The following ARMCX4 variants were observed in gnomAD, a reference collection of about 807,000 sequenced individuals.
The protein encoded by ARMCX4 is armadillo repeat containing X-linked 4, also known as armadillo repeat-containing X-linked protein 4.
In ARMCX4, 3 loss-of-function variants were observed where a neutral mutation model predicts 34.7. The observed-to-expected ratio is 0.09, with a 90% CI of 0.04 to 0.22. The LOEUF (loss-of-function observed/expected upper bound fraction) is 0.22, where lower values mean the gene tolerates loss of function less well. ARMCX4 is among the 10% of genes least tolerant of loss of function. The pLI, the probability that ARMCX4 is intolerant of heterozygous loss-of-function variation, is 1.00. For missense variants in ARMCX4, 1,448 were observed against 1,720.8 expected, an observed-to-expected ratio of 0.84 and a Z score of 2.81; for synonymous variants, 513 against 632.8, an observed-to-expected ratio of 0.81 and a Z score of 2.84.
chrX:101,437,486 G>A (rs183607724), intron 2 of ARMCX4, among the ~76,000 whole-genome samples: 29 of 111,564 alleles, frequency 2.6e-4, no homozygotes, highest in African/African-American at 8.5e-4. Flanking sequence ...GGGATCGGTG[G>A]TGATATCCCC....
At chrX:101,485,951 G>A (rs1281054931) in intron 1 of ARMCX4, 72 bp from the exon 2 acceptor site, 1 of 111,514 alleles carries the variant, frequency 9.0e-6, no homozygotes, top group African/African-American at 3.3e-5. Flanking sequence ...CCGGAAAGGC[G>A]AGTATTGGGA....
chrX:101,494,619 A>G lies in ARMCX4; in HGVS notation c.6030A>G (p.Pro2010=). The G allele has an allele frequency of 8.7e-7, 1 of 1,155,881 alleles. No individual in the cohort carries two copies. Among genetic ancestry groups the G allele is most frequent in the Non-Finnish European group, 1.1e-6 (1 of 872,844 alleles). The change falls in exon 6 of 6, where the codon CCA becomes CCG. Residue 2010 remains proline, a synonymous_variant. Coordinates refer to ENST00000423738, the MANE Select transcript of ARMCX4 (RefSeq NM_001256155.3). The part of the protein sequence containing the change: ...KFAHQSEASF[P]VEDESRKQTR... ...CACACCAAAGTGAGGCCAGCTTCCC[A>G]GTTGAAGATGAGTCCAGAAAACAAA...
At chrX:101,419,673 C>T (rs782615053) in intron 2 of ARMCX4, among the ~76,000 whole-genome samples, 7 of 111,683 alleles carry the variant, frequency 6.3e-5, no homozygotes, top group Admixed American at 5.7e-4. Flanking sequence ...GCCCTGTCCT[C>T]GGCCTGCCTA....
intron 11 of ARMCX4, among the ~76,000 whole-genome samples, chrX:101,511,267 TA>T (rs1478165726): frequency 2.7e-5 from 3 of 111,521 alleles, no homozygotes; most frequent in African/African-American, 9.8e-5. Context: ...TTTCCTATTT[TA>T]AAAAATCTCT....
chrX:101,498,269 T>A, downstream of ARMCX4: 1 of 307,509 alleles, frequency 3.3e-6, no homozygotes, highest in Admixed American at 3.4e-5. Flanking sequence ...GCAAACACTG[T>A]GATGAAATTT....
intron 4 of ARMCX4, among the ~76,000 whole-genome samples, chrX:101,475,354 A>G (rs1484875952): frequency 9.1e-6 from 1 of 109,679 alleles, no homozygotes; most frequent in Non-Finnish European, 1.9e-5. Flanking sequence ...TATCTGCAAA[A>G]GAAAAAAGCT....
chrX:101,436,735 G>A (rs188799195), intron 2 of ARMCX4, among the ~76,000 whole-genome samples: 388 of 111,561 alleles, frequency 3.5e-3, no homozygotes, highest in Non-Finnish European at 6.2e-3. Flanking sequence ...TTTTCAAAGG[G>A]AATGCTTCCA....
chrX:101,434,130 G>C (rs1930510884), intron 2 of ARMCX4, among the ~76,000 whole-genome samples: 1 of 109,799 alleles, frequency 9.1e-6, no homozygotes, highest in Non-Finnish European at 1.9e-5. Flanking sequence ...ATTTTTAGTA[G>C]AGACGTGGGT....
At chrX:101,504,001 A>G (rs1484618575) in intron 7 of ARMCX4, among the ~76,000 whole-genome samples, 5 of 111,738 alleles carry the variant, frequency 4.5e-5, no homozygotes, top group African/African-American at 9.8e-5. Flanking sequence ...AGCTTTCTAC[A>G]TATGGCTAGC....
rs782107638 is a variant in ARMCX4, at chrX:101,457,175, T to C, written c.-473+11131T>C. Among the ~76,000 whole-genome samples the C allele has an allele frequency of 8.0e-5, 9 of 112,244 alleles. No individual in the cohort carries two copies. The East Asian group carries it at 1.1e-3, about 14-fold the overall frequency. ...ATTTACTGACTGCATCCCTGTGGTATTGATTAACATATTATTTTGCTTCCT... is the reference window on the plus strand; with the variant it reads ...ATTTACTGACTGCATCCCTGTGGTACTGATTAACATATTATTTTGCTTCCT... On this transcript the variant is annotated intron_variant and NMD_transcript_variant, in intron 4 of 15. Transcript: ENST00000433011.
At chrX:101,526,819 C>A (rs781849846) in intron 11 of ARMCX4, among the ~76,000 whole-genome samples, 1 of 111,671 alleles carries the variant, frequency 9.0e-6, no homozygotes, top group African/African-American at 3.3e-5. Flanking sequence ...CAGGAGCACC[C>A]AGATTAGTAA....
exon 8 of ARMCX4, chrX:101,505,101 G>A (rs1569342744): frequency 9.0e-6 from 1 of 111,238 alleles, no homozygotes; most frequent in African/African-American, 3.3e-5. Flanking sequence ...ACCCTTAAGA[G>A]GCATTTGTGT....
chrX:101,444,375 G>A (rs1555997616), intron 3 of ARMCX4, among the ~76,000 whole-genome samples: 2 of 112,652 alleles, frequency 1.8e-5, no homozygotes, highest in South Asian at 3.6e-4. Context: ...GAGAATCTCC[G>A]CACCTTTTAT....
At chrX:101,484,472 T>C (rs782271615), upstream of ARMCX4, among the ~76,000 whole-genome samples, 12 of 111,927 alleles carry the variant, frequency 1.1e-4, no homozygotes, top group Admixed American at 1.9e-4. Flanking sequence ...AGCAGGTTAA[T>C]TTGGTAAGTC....
chrX:101,438,349 G>A (rs900695041), intron 2 of ARMCX4, among the ~76,000 whole-genome samples: 2 of 111,787 alleles, frequency 1.8e-5, no homozygotes, highest in Admixed American at 1.9e-4. Flanking sequence ...CGGATCACGA[G>A]GTCAGGAGAT....
At chrX:101,508,951 T>C (rs1556015811) in intron 8 of ARMCX4, among the ~76,000 whole-genome samples, 1 of 111,549 alleles carries the variant, frequency 9.0e-6, no homozygotes, top group East Asian at 2.8e-4. Flanking sequence ...ATGTTGACTA[T>C]GTACTTGTTA....
At chrX:101,535,081 G>A (rs1187122225), downstream of ARMCX4, among the ~76,000 whole-genome samples, 6 of 111,300 alleles carry the variant, frequency 5.4e-5, no homozygotes, top group African/African-American at 2.0e-4. Flanking sequence ...TCATCATTTT[G>A]CACATTATTG....
At chrX:101,419,211 C>T (rs1406786988) in intron 2 of ARMCX4, 13 of 111,165 alleles carry the variant, frequency 1.2e-4, no homozygotes, top group African/African-American at 3.6e-4. Flanking sequence ...AATTATTTCA[C>T]GCGTGGTAGT....
At chrX:101,455,355 A>T (rs782689817) in intron 4 of ARMCX4, among the ~76,000 whole-genome samples, 5 of 111,993 alleles carry the variant, frequency 4.5e-5, no homozygotes, top group Non-Finnish European at 7.5e-5. Flanking sequence ...CCATCAAACT[A>T]GACCAATGCT....
Sources: allele counts gnomAD v4.1 joint callset (sites outside exome capture counted in the v4.1 genomes callset), GRCh38; gene constraint gnomAD v4.1.1; transcripts MANE v1.5; gene names NCBI Gene and HGNC (gene_info 2026-07-23, HGNC 2026-07-21).